The following PTK7 variants were observed in gnomAD, a reference collection of about 807,000 sequenced individuals.
PTK7 encodes inactive tyrosine-protein kinase 7.
In PTK7, 39 loss-of-function variants were observed where a neutral mutation model predicts 116.6. The ratio of observed to expected loss-of-function variants is 0.33; its 90% CI spans 0.26 to 0.44. PTK7 has a LOEUF of 0.44. Ranked by LOEUF, PTK7 falls within the 20% of genes least tolerant of loss-of-function variation. The pLI is 1.00. For missense variants in PTK7, 1,169 were observed against 1,425.6 expected (o/e 0.82, Z 2.90); for synonymous variants, 546 against 563.6 (o/e 0.97, Z 0.44).
intron 7 of PTK7, among the ~76,000 whole-genome samples, chr6:43,135,821 G>A (rs1306393138): frequency 1.3e-5 from 2 of 152,198 alleles, no homozygotes; most frequent in Non-Finnish European, 2.9e-5. Flanking sequence ...TTGGGAGGCC[G>A]AGGCAGGTGG....
At position 43,139,412 on chromosome 6, in the gene PTK7, T is replaced by C; in HGVS notation, c.1505T>C (p.Leu502Pro). Reference protein sequence around the residue: ...AQARVQVLEKLKFTPPPQPQQ... With the variant: ...AQARVQVLEKPKFTPPPQPQQ... ...CCACCCTCTGCTGAAACAGAAAAGCTCAAGTTCACACCACCACCCCAGCCA... is the reference window on the plus strand; with the variant it reads ...CCACCCTCTGCTGAAACAGAAAAGCCCAAGTTCACACCACCACCCCAGCCA... Residue 502 changes from leucine to proline, a missense_variant, in exon 10 of 20, where the codon CTC becomes CCC. Leu to Pro is a moderately conservative substitution (Grantham distance 98, BLOSUM62 -3). Coordinates refer to ENST00000230419, the MANE Select transcript of PTK7 (RefSeq NM_002821.5). The surrounding 1 kb of genome is among the most constrained non-coding windows in gnomAD (Gnocchi z 4.6). The C allele has an allele frequency of 6.2e-7, 1 of 1,614,028 alleles. No individual in the cohort carries two copies. The highest frequency in any genetic ancestry group is 8.5e-7 in the Non-Finnish European group (1 of 1,180,006).
chr6:43,099,057 A>C lies in PTK7; in HGVS notation c.79+22490A>C, dbSNP rs150062617. On this transcript the variant is annotated intron_variant, in intron 1 of 19. Transcript: ENST00000230419. ...TTCTTTTGAATACAACTTTGAAATT[A>C]ATAAATTTGAAATTAAAAATATAAA... Among the ~76,000 whole-genome samples the C allele has an allele frequency of 8.0e-3, 1,212 of 152,090 alleles. 13 individuals are homozygous for C. The highest frequency in any genetic ancestry group is 0.013 in the Non-Finnish European group (882 of 67,990).
intron 10 of PTK7, among the ~76,000 whole-genome samples, chr6:43,140,129 C>T (rs1770303444): frequency 6.6e-6 from 1 of 150,890 alleles, no homozygotes; most frequent in Non-Finnish European, 1.5e-5. Flanking sequence ...AAAAAAGAAA[C>T]AAAAGTTACA....
Position 43,160,979 on chromosome 6 carries a change from G to A in PTK7, c.*98G>A, listed in dbSNP as rs1404000784. On this transcript the variant is annotated 3_prime_UTR_variant, in exon 20 of 20. Transcript: ENST00000230419. ...AGATCCCTGTCCTCCTGGGCCCTGA[G>A]GCCCCTGCCCTAGTGCAACAGGCAT... is the stretch of plus-strand genomic sequence containing the variant. 4.1e-6 allele frequency: 6 copies of A among 1,467,164 alleles called. No homozygotes were observed. The highest frequency in any genetic ancestry group is 4.6e-6 in the Non-Finnish European group (5 of 1,098,128). 90.9% of individuals were successfully genotyped at this position (1,467,164 alleles called of 1,614,324 possible). A position where few individuals can be genotyped will look rare whatever the true frequency, so the allele number is the denominator to read the frequency against.
chr6:43,118,681 ATATATATG>A (rs1313422943), intron 1 of PTK7, among the ~76,000 whole-genome samples: 46 of 105,546 alleles, frequency 4.4e-4, no homozygotes, highest in Admixed American at 1.0e-3. Context: ...ATATATATAT[ATATATATG>A]TATATATGTA....
intron 1 of PTK7, among the ~76,000 whole-genome samples, chr6:43,114,379 T>A (rs1768373848): frequency 6.6e-6 from 1 of 152,122 alleles, no homozygotes; most frequent in African/African-American, 2.4e-5. Flanking sequence ...TCTGTCAGTC[T>A]CCCCTTCTCT....
At chr6:43,087,344 G>A (rs111400594) in intron 1 of PTK7, among the ~76,000 whole-genome samples, 2 of 152,160 alleles carry the variant, frequency 1.3e-5, no homozygotes, top group African/African-American at 4.8e-5. Flanking sequence ...AGAGTGGGCC[G>A]CAGAGTTTAT....
intron 1 of PTK7, among the ~76,000 whole-genome samples, chr6:43,097,129 C>T (rs1237136553): frequency 6.6e-6 from 1 of 152,238 alleles, no homozygotes; most frequent in Non-Finnish European, 1.5e-5. Context: ...TTAGCCTCCT[C>T]CTGCGCGGTT....
intron 1 of PTK7, among the ~76,000 whole-genome samples, chr6:43,118,259 G>A (rs1047197846): frequency 2.6e-5 from 4 of 151,938 alleles, no homozygotes; most frequent in Admixed American, 6.6e-5. Context: ...AATTTAGGCC[G>A]GGCGCGTTGG....
chr6:43,081,704 C>T (rs544301462), intron 1 of PTK7, among the ~76,000 whole-genome samples: 5 of 152,216 alleles, frequency 3.3e-5, no homozygotes, highest in African/African-American at 9.6e-5. Flanking sequence ...TGCACCCAGC[C>T]GATATAACAG....
chr6:43,159,879 G>A lies in PTK7; in HGVS notation c.2965G>A (p.Val989Ile), dbSNP rs774179357. The change falls in exon 19 of 20, where the codon GTC (valine) becomes ATC (isoleucine). Residue 989 changes from valine (V) to isoleucine (I), a missense_variant. By Grantham distance (29) the Val-to-Ile change is conservative. This residue lies in a region of PTK7 where 678 missense variants were observed against 853.8 expected (regional missense o/e 0.79). Transcript: ENST00000230419. ...GGGTGACTTCTCTACCAAGTCTGATGTCTGGGCCTTCGGTGTGCTGATGTG... is the reference window on the plus strand; with the variant it reads ...GGGTGACTTCTCTACCAAGTCTGATATCTGGGCCTTCGGTGTGCTGATGTG... Reference protein sequence around the residue: ...LEGDFSTKSDVWAFGVLMWEV... With the variant: ...LEGDFSTKSDIWAFGVLMWEV... 1.9e-6 allele frequency: 3 copies of A among 1,614,254 alleles called. No individual in the cohort carries two copies. The highest frequency in any genetic ancestry group is 2.2e-5 in the East Asian group (1 of 44,884).
intron 17 of PTK7, among the ~76,000 whole-genome samples, chr6:43,149,143 G>A (rs1409061593): frequency 1.3e-5 from 2 of 151,492 alleles, no homozygotes; most frequent in Admixed American, 6.6e-5. Flanking sequence ...AGGCTGAGGC[G>A]GGAAGATCAC....
chr6:43,108,590 C>T (rs60359686), intron 1 of PTK7, among the ~76,000 whole-genome samples: 16,282 of 151,842 alleles, frequency 0.11, 1,392 homozygotes, highest in East Asian at 0.31. Flanking sequence ...TTTGTAGAGA[C>T]GGGGTTTTAC....
chr6:43,136,954 T>C (rs1161509108), intron 7 of PTK7, among the ~76,000 whole-genome samples: 1 of 151,974 alleles, frequency 6.6e-6, no homozygotes, highest in Admixed American at 6.6e-5. Context: ...CAGTAAGCCA[T>C]AGTGGCGTGA....
At chr6:43,134,543 A>C (rs1734179101) in intron 7 of PTK7, among the ~76,000 whole-genome samples, 1 of 151,992 alleles carries the variant, frequency 6.6e-6, no homozygotes, top group Admixed American at 6.6e-5. Flanking sequence ...GCACTTTGGG[A>C]GGCCGAGGTG....
chr6:43,094,410 T>G (rs1240746908), intron 1 of PTK7, among the ~76,000 whole-genome samples: 2 of 152,048 alleles, frequency 1.3e-5, no homozygotes, highest in African/African-American at 2.4e-5. Flanking sequence ...GTTATGGGGT[T>G]TATATGGTAG....
Position 43,141,508 on chromosome 6 carries a change from A to G in PTK7, c.1619-160A>G, listed in dbSNP as rs1196665031. ...CTGAAGAATTGGAAGAGGGGTAAAT[A>G]ACGGAGGGGCTTCTAACACTTGGCT... On this transcript the variant is annotated intron_variant, in intron 10 of 19. Transcript: ENST00000230419. This position sits in a 1 kb window ranked among gnomAD's most constrained non-coding sequence, Gnocchi z 4.9. 2.6e-5 allele frequency among the ~76,000 whole-genome samples: 4 copies of G among 152,066 alleles called. No individual in the cohort carries two copies. The highest frequency in any genetic ancestry group is 4.4e-5 in the Non-Finnish European group (3 of 67,992).
Position 43,106,894 on chromosome 6 carries a change from G to C in PTK7, c.80-22083G>C, listed in dbSNP as rs1166014669. ...GCCTCCCAAAGTGCTGGGATTACAG[G>C]TGTGAGCCACCATGCCCAGCCTCTT... On this transcript the variant is annotated intron_variant, in intron 1 of 19. Transcript: ENST00000230419. Among the ~76,000 whole-genome samples the C allele has an allele frequency of 2.7e-5, 4 of 148,920 alleles. No homozygotes were observed. The Admixed American group carries it at 2.7e-4, about 10-fold the overall frequency.
chr6:43,129,293 C>A lies in PTK7; in HGVS notation c.367+29C>A. ...AGAGCCAGGGGGGCTGTGCCCAGTC[C>A]CCCTGTCAGACCCTCAATGACTGAG... On this transcript the variant is annotated intron_variant, in intron 2 of 19. Transcript: ENST00000230419. The surrounding 1 kb of genome is among the most constrained non-coding windows in gnomAD (Gnocchi z 4.5). 6.2e-7 allele frequency: 1 copy of A among 1,612,812 alleles called. No individual in the cohort carries two copies.
Sources: allele counts gnomAD v4.1 joint callset (sites outside exome capture counted in the v4.1 genomes callset), GRCh38; gene constraint gnomAD v4.1.1; regional missense constraint gnomAD v4.1.1; non-coding constraint Gnocchi (gnomAD v3.1); transcripts MANE v1.5; gene names NCBI Gene and HGNC (gene_info 2026-07-23, HGNC 2026-07-21).